Variants in CHLSN observed in about 807,000 individuals in gnomAD.
CHLSN encodes the protein cholesin, also known as protein cholesin.
At chr7:985,126 C>A in the CHLSN span, 1 of 1,606,440 alleles carries the variant, frequency 6.2e-7, no homozygotes, top group Non-Finnish European at 8.5e-7. Context: ...GGACGCCCCT[C>A]CCCGGGCCTG....
At chr7:1,125,186 A>T in the CHLSN span, among the ~76,000 whole-genome samples, 1 of 152,144 alleles carries the variant, frequency 6.6e-6, no homozygotes, top group Non-Finnish European at 1.5e-5. Flanking sequence ...GGCCACACCC[A>T]GCAACCAGGC....
chr7:1,067,197 A>G, the CHLSN span, among the ~76,000 whole-genome samples: 592 of 87,464 alleles, frequency 6.8e-3, no homozygotes, highest in Middle Eastern at 0.02. Context: ...TTGGGGCACA[A>G]TCTTCACACA....
At chr7:1,023,622 GAA>G in the CHLSN span, among the ~76,000 whole-genome samples, 1 of 95,436 alleles carries the variant, frequency 1.0e-5, no homozygotes, top group East Asian at 5.2e-4. This position sits in a 1 kb window ranked among gnomAD's most constrained non-coding sequence, Gnocchi z 5.0. Flanking sequence ...CTCCTCCCAG[GAA>G]ACACACACAC....
the CHLSN span, among the ~76,000 whole-genome samples, chr7:1,034,078 T>C: frequency 3.4e-3 from 525 of 152,354 alleles, 2 homozygotes; most frequent in Non-Finnish European, 5.9e-3. Flanking sequence ...ATCCTGGGAC[T>C]GTGAGTGGGT....
chr7:984,375 T>A, the CHLSN span: 1 of 1,536,480 alleles, frequency 6.5e-7, no homozygotes, highest in African/African-American at 1.4e-5. Flanking sequence ...GTCTTGTGGG[T>A]GAGGGCTGCC....
chr7:1,025,912 C>T, the CHLSN span: 18,164 of 152,262 alleles, frequency 0.12, 1,226 homozygotes, highest in Middle Eastern at 0.21. Context: ...CTGCCTGGGA[C>T]GGAGGGCTCC....
At chr7:1,105,869 T>A in the CHLSN span, among the ~76,000 whole-genome samples, 1 of 152,226 alleles carries the variant, frequency 6.6e-6, no homozygotes, top group African/African-American at 2.4e-5. Flanking sequence ...GCTTTGTTTT[T>A]AAAATTAAAT....
the CHLSN span, among the ~76,000 whole-genome samples, chr7:1,002,606 A>G: frequency 6.5e-5 from 3 of 46,110 alleles, no homozygotes; most frequent in African/African-American, 9.7e-5. Context: ...CCTGTGGGTG[A>G]GTGGAGTCCT....
the CHLSN span, among the ~76,000 whole-genome samples, chr7:993,005 G>T: frequency 6.6e-6 from 1 of 152,234 alleles, no homozygotes; most frequent in Non-Finnish European, 1.5e-5. Context: ...AAGCGGGGGA[G>T]GGGGTGGCCC....
chr7:1,096,294 G>A, the CHLSN span, among the ~76,000 whole-genome samples: 5 of 152,190 alleles, frequency 3.3e-5, no homozygotes, highest in African/African-American at 4.8e-5. This position sits in a 1 kb window ranked among gnomAD's most constrained non-coding sequence, Gnocchi z 4.6. Context: ...AGCTGGCGGC[G>A]GCACTGCTCT....
chr7:1,048,426 G>GCT, the CHLSN span, among the ~76,000 whole-genome samples: 1 of 151,738 alleles, frequency 6.6e-6, no homozygotes, highest in Non-Finnish European at 1.5e-5. Flanking sequence ...GCGCTATGAT[G>GCT]CTCTCTCTCT....
chr7:1,106,342 C>T, the CHLSN span, among the ~76,000 whole-genome samples: 1 of 152,068 alleles, frequency 6.6e-6, no homozygotes, highest in Non-Finnish European at 1.5e-5. Context: ...CAGAGCGAAA[C>T]CCCAGAGACA....
At chr7:1,119,770 G>C in the CHLSN span, among the ~76,000 whole-genome samples, 1 of 152,048 alleles carries the variant, frequency 6.6e-6, no homozygotes, top group African/African-American at 2.4e-5. Context: ...CCAGCTACTC[G>C]GGAGGCTGAG....
chr7:999,184 G>A, the CHLSN span, among the ~76,000 whole-genome samples: 3,616 of 152,224 alleles, frequency 0.024, 134 homozygotes, highest in African/African-American at 0.082. Context: ...TTTACTTTTG[G>A]TAATAGTAAC....
At chr7:1,116,046 AC>A in the CHLSN span, among the ~76,000 whole-genome samples, 5 of 111,390 alleles carry the variant, frequency 4.5e-5, no homozygotes, top group African/African-American at 3.2e-5. Flanking sequence ...AGCTCTACGG[AC>A]CCGCTTCCAT....
the CHLSN span, among the ~76,000 whole-genome samples, chr7:1,037,202 C>T: frequency 1.4e-5 from 2 of 144,208 alleles, no homozygotes; most frequent in African/African-American, 2.5e-5. Context: ...TTATGTCATA[C>T]TTAATAGTAA....
the CHLSN span, chr7:1,086,968 G>A: frequency 6.6e-6 from 1 of 152,286 alleles, no homozygotes; most frequent in Non-Finnish European, 1.5e-5. Context: ...GGCTGGCGGT[G>A]CCTGAGGACC....
the CHLSN span, among the ~76,000 whole-genome samples, chr7:1,016,229 G>C: frequency 4.0e-5 from 3 of 75,272 alleles, no homozygotes; most frequent in Non-Finnish European, 4.8e-5. Context: ...GCACACGCCA[G>C]CACACAGCAG....
the CHLSN span, among the ~76,000 whole-genome samples, chr7:1,110,187 G>C: frequency 1.3e-5 from 2 of 152,142 alleles, no homozygotes; most frequent in Admixed American, 1.3e-4. Flanking sequence ...GCATGTGGTA[G>C]CAAAATCCCC....
Sources: allele counts gnomAD v4.1 joint callset (sites outside exome capture counted in the v4.1 genomes callset), GRCh38; gene constraint gnomAD v4.1.1; non-coding constraint Gnocchi (gnomAD v3.1); transcripts MANE v1.5; gene names NCBI Gene and HGNC (gene_info 2026-07-23, HGNC 2026-07-21).